The following WDR49 variants were observed in gnomAD, a reference collection of about 807,000 sequenced individuals.
The protein encoded by WDR49 is cilia- and flagella-associated protein 337.
Under a neutral mutation model 119.5 loss-of-function variants are expected in WDR49, and 107 were observed. The ratio of observed to expected loss-of-function variants is 0.90; its 90% CI spans 0.77 to 1.05. The LOEUF (loss-of-function observed/expected upper bound fraction) is 1.05, where lower values mean the gene tolerates loss of function less well. Among genes scored for constraint, WDR49 ranks in the 50% least tolerant of loss-of-function variants. The pLI, the probability that WDR49 is intolerant of heterozygous loss-of-function variation, is 0.00. For synonymous variants in WDR49, 425 were observed against 418.8 expected (o/e 1.01, Z -0.18); for missense variants, 1,240 against 1,220.5 (o/e 1.02, Z -0.24).
intron 5 of WDR49, among the ~76,000 whole-genome samples, chr3:167,606,689 T>C (rs1716079986): frequency 1.3e-5 from 2 of 152,148 alleles, no homozygotes. Flanking sequence ...CACTGGGAAG[T>C]GTGTCATGAA....
At chr3:167,501,747 G>T (rs1456752141) in intron 17 of WDR49, among the ~76,000 whole-genome samples, 1 of 152,088 alleles carries the variant, frequency 6.6e-6, no homozygotes, top group Non-Finnish European at 1.5e-5. Flanking sequence ...TTTGTTTTAG[G>T]TTACTGGTCT....
intron 3 of WDR49, 21 bp from the exon 4 acceptor site, chr3:167,621,664 A>T (rs193112718): frequency 2.1e-4 from 324 of 1,511,312 alleles, no homozygotes; most frequent in Non-Finnish European, 2.7e-4. Flanking sequence ...AGAGTAGAAA[A>T]TCAGAAAGTA....
chr3:167,559,917 G>A, intron 9 of WDR49, 147 bp downstream of exon 9: 1 of 713,788 alleles, frequency 1.4e-6, no homozygotes. Flanking sequence ...TTTATTAGAT[G>A]GTTGGAGTTA....
At chr3:167,523,695 C>A (rs1307881641) in intron 15 of WDR49, among the ~76,000 whole-genome samples, 1 of 152,086 alleles carries the variant, frequency 6.6e-6, no homozygotes, top group Non-Finnish European at 1.5e-5. Flanking sequence ...TGGTTTCCAG[C>A]TTCATCCATG....
In WDR49 at chr3:167,536,894, A is replaced by AG; in HGVS notation, c.1929_1930insC (p.Pro645ThrfsTer11). On this transcript the variant is annotated frameshift_variant, in exon 11 of 19. Coordinates refer to ENST00000682715, the MANE Select transcript of WDR49 (RefSeq NM_001366157.1). LOFTEE classifies it high-confidence loss of function. ...CCCGTAACAAGAGTTTGTGGAGGTA[A>AG]AAACGCAGCACACAAGATGTCATCA... 6.6e-7 allele frequency: 1 copy of AG among 1,521,494 alleles called. No individual in the cohort carries two copies. Among genetic ancestry groups the AG allele is most frequent in the African/African-American group, 1.4e-5 (1 of 71,124 alleles). 94.2% of individuals were successfully genotyped at this position (1,521,494 alleles called of 1,614,324 possible).
rs1405174888 is a variant in WDR49 at position 167,536,880 on chromosome 3, A to G, written c.1944T>C (p.Thr648=). ...ILCAAFLPPQ[T]LVTGSYDGEI... ...GAAAGTTCAATTTACCCGTAACAAG[A>G]GTTTGTGGAGGTAAAAACGCAGCAC... The change falls in exon 11 of 19, where the codon ACT becomes ACC. Residue 648 remains threonine, a synonymous_variant. Coordinates refer to ENST00000682715, the MANE Select transcript of WDR49 (RefSeq NM_001366157.1). 3 of 1,514,118 alleles carry G rather than the reference A, an allele frequency of 2.0e-6. No homozygotes were observed. Among genetic ancestry groups the G allele is most frequent in the Non-Finnish European group, 2.7e-6 (3 of 1,130,200 alleles). 93.8% of individuals were successfully genotyped at this position (1,514,118 alleles called of 1,614,324 possible).
chr3:167,571,623 TC>T (rs1713944301), intron 8 of WDR49, among the ~76,000 whole-genome samples: 1 of 152,184 alleles, frequency 6.6e-6, no homozygotes, highest in Non-Finnish European at 1.5e-5. Flanking sequence ...ACATTTAGCC[TC>T]AAGGAAATAT....
At chr3:167,542,173 G>A (rs1298365429) in intron 10 of WDR49, among the ~76,000 whole-genome samples, 1 of 152,018 alleles carries the variant, frequency 6.6e-6, no homozygotes, top group Non-Finnish European at 1.5e-5. Flanking sequence ...TGAGATAGAT[G>A]GCAACACAGT....
chr3:167,610,714 T>A lies in WDR49; in HGVS notation c.959-6246A>T, dbSNP rs564771003. On this transcript the variant is annotated intron_variant, in intron 5 of 18. Transcript: ENST00000682715. The stretch of plus-strand genomic sequence containing the variant: ...AACATAGGCAGTAGCCAGGTAGTGA[T>A]TAAAGCAGGTCTTGAGCGAGACCCA... 1.5e-4 allele frequency among the ~76,000 whole-genome samples: 23 copies of A among 152,300 alleles called. No homozygotes were observed. In the East Asian group the frequency reaches 1.9e-3, roughly 13 times the overall value.
At chr3:167,603,892 A>ATG (rs149974758) in intron 6 of WDR49, among the ~76,000 whole-genome samples, 15 of 150,980 alleles carry the variant, frequency 9.9e-5, no homozygotes, top group Admixed American at 2.0e-4. Flanking sequence ...TTGTGTATGG[A>ATG]TGTGTGTGTG....
At chr3:167,584,085 G>A (rs972874006) in intron 7 of WDR49, among the ~76,000 whole-genome samples, 14 of 152,040 alleles carry the variant, frequency 9.2e-5, no homozygotes, top group Admixed American at 7.2e-4. Flanking sequence ...CAAGCAACAA[G>A]AGACTATCCA....
intron 7 of WDR49, among the ~76,000 whole-genome samples, chr3:167,590,282 T>C (rs1195189563): frequency 2.0e-5 from 3 of 152,164 alleles, no homozygotes; most frequent in South Asian, 2.1e-4. Context: ...ATTTTTTAAA[T>C]GTGTTGTTGA....
At chr3:167,535,240 CA>C (rs1752980013) in intron 11 of WDR49, among the ~76,000 whole-genome samples, 1 of 152,068 alleles carries the variant, frequency 6.6e-6, no homozygotes, top group South Asian at 2.1e-4. Flanking sequence ...TAAAGAAGAG[CA>C]AGTGCTGCTT....
intron 18 of WDR49, among the ~76,000 whole-genome samples, chr3:167,495,455 A>G (rs1046176791): frequency 6.6e-6 from 1 of 152,250 alleles, no homozygotes; most frequent in South Asian, 2.1e-4. Context: ...TATAAAATAT[A>G]CAAACTGAAG....
chr3:167,493,348 C>G (rs145570116), intron 18 of WDR49, among the ~76,000 whole-genome samples: 14 of 152,308 alleles, frequency 9.2e-5, no homozygotes, highest in Non-Finnish European at 1.9e-4. Flanking sequence ...CCTTGGCAAG[C>G]AAGAGGCCAA....
intron 18 of WDR49, among the ~76,000 whole-genome samples, chr3:167,491,803 G>T (rs543559218): frequency 1.3e-5 from 2 of 152,076 alleles, no homozygotes; most frequent in African/African-American, 4.8e-5. Flanking sequence ...AGCTGTTTAA[G>T]AACCAACTGG....
At chr3:167,514,263 C>T (rs1752105453) in intron 16 of WDR49, among the ~76,000 whole-genome samples, 2 of 152,180 alleles carry the variant, frequency 1.3e-5, no homozygotes, top group Admixed American at 6.5e-5. Context: ...GTCTCTCAGA[C>T]CACAGCGCAA....
intron 16 of WDR49, among the ~76,000 whole-genome samples, chr3:167,515,264 C>A (rs1752155314): frequency 6.6e-6 from 1 of 152,132 alleles, no homozygotes; most frequent in African/African-American, 2.4e-5. Flanking sequence ...CCAAATTCTG[C>A]AGCACATCAA....
At chr3:167,586,532 C>T (rs974571302) in intron 7 of WDR49, among the ~76,000 whole-genome samples, 1 of 152,164 alleles carries the variant, frequency 6.6e-6, no homozygotes, top group African/African-American at 2.4e-5. Flanking sequence ...TCTAATTCAG[C>T]AATTCATTGA....
Sources: gnomAD v4.1 joint callset for allele counts (sites outside exome capture counted in the v4.1 genomes callset) on GRCh38, gnomAD v4.1.1 for gene constraint, MANE v1.5 for transcripts, NCBI Gene and HGNC (gene_info 2026-07-23, HGNC 2026-07-21) for gene names.